Variants in C8orf34 observed in about 807,000 individuals in gnomAD.
C8orf34 encodes uncharacterized protein C8orf34.
In C8orf34, 65 loss-of-function variants were observed where a neutral mutation model predicts 68.3. That is an observed-to-expected ratio of 0.95 (90% CI 0.78 to 1.17). The LOEUF is 1.17. C8orf34 is among the 50% of genes most tolerant of loss of function. The pLI, the probability that C8orf34 is intolerant of heterozygous loss-of-function variation, is 0.00. For missense variants in C8orf34, 664 were observed against 655.4 expected, an observed-to-expected ratio of 1.01 and a Z score of -0.14; for synonymous variants, 244 against 241.2, an observed-to-expected ratio of 1.01 and a Z score of -0.11.
intron 8 of C8orf34, among the ~76,000 whole-genome samples, chr8:68,641,693 G>A (rs1010170029): frequency 6.6e-6 from 1 of 152,170 alleles, no homozygotes; most frequent in Non-Finnish European, 1.5e-5. Flanking sequence ...ATTTGTAGAA[G>A]ACTGGGATAT....
At chr8:68,477,642 C>A (rs1269518471) in intron 4 of C8orf34, among the ~76,000 whole-genome samples, 2 of 152,262 alleles carry the variant, frequency 1.3e-5, no homozygotes, top group Non-Finnish European at 2.9e-5. Context: ...GGAGCCAACC[C>A]TGCATTTCCC....
chr8:68,785,405 C>T (rs1823816679), intron 11 of C8orf34, among the ~76,000 whole-genome samples: 1 of 115,992 alleles, frequency 8.6e-6, no homozygotes, highest in South Asian at 2.4e-4. Context: ...TCCCCTCATC[C>T]ATTTACTTTA....
At chr8:68,479,161 A>G (rs904030330) in intron 4 of C8orf34, among the ~76,000 whole-genome samples, 3 of 152,192 alleles carry the variant, frequency 2.0e-5, no homozygotes, top group African/African-American at 4.8e-5. Context: ...AGAATAATTA[A>G]AGAATAATTT....
At chr8:68,488,347 A>G (rs1195060342) in intron 5 of C8orf34, among the ~76,000 whole-genome samples, 4 of 152,070 alleles carry the variant, frequency 2.6e-5, no homozygotes, top group Non-Finnish European at 4.4e-5. Flanking sequence ...TATTATGTAA[A>G]TTATTTTATT....
At chr8:68,486,958 G>A (rs1813105547) in intron 4 of C8orf34, among the ~76,000 whole-genome samples, 1 of 152,168 alleles carries the variant, frequency 6.6e-6, no homozygotes, top group Non-Finnish European at 1.5e-5. Flanking sequence ...CCCTGAATGT[G>A]AGAGCTGGCC....
At position 68,746,981 on chromosome 8, in the gene C8orf34, C is replaced by T. The variant is rs1259142756; in HGVS notation, c.1404+25544C>T. Among the ~76,000 whole-genome samples the T allele has an allele frequency of 5.6e-3, 839 of 149,662 alleles. 4 individuals carry two copies. Among genetic ancestry groups the T allele is most frequent in the African/African-American group, 0.02 (805 of 41,088 alleles). ...CTTGATGAACATTGATGCAAAAATC[C>T]TCAATAAAATACTGGCAAACCGAAT... On this transcript the variant is annotated intron_variant, in intron 10 of 13. Transcript: ENST00000518698.
intron 8 of C8orf34, among the ~76,000 whole-genome samples, chr8:68,659,823 A>G (rs1819618628): frequency 2.0e-5 from 3 of 152,134 alleles, no homozygotes; most frequent in Non-Finnish European, 4.4e-5. Context: ...CAATGTTACA[A>G]TCATCAAAGA....
At chr8:68,707,827 A>T (rs1389916797) in intron 8 of C8orf34, among the ~76,000 whole-genome samples, 1 of 152,180 alleles carries the variant, frequency 6.6e-6, no homozygotes, top group African/African-American at 2.4e-5. Flanking sequence ...ACCTTTAAAT[A>T]TTTAATGCAC....
chr8:68,608,492 C>T (rs972835920), intron 7 of C8orf34, among the ~76,000 whole-genome samples: 1 of 151,388 alleles, frequency 6.6e-6, no homozygotes, highest in South Asian at 2.1e-4. Context: ...GTGGAGGGAA[C>T]AGTGTGAGCA....
At chr8:68,492,080 A>T (rs1813337087) in intron 5 of C8orf34, among the ~76,000 whole-genome samples, 1 of 152,192 alleles carries the variant, frequency 6.6e-6, no homozygotes, top group Non-Finnish European at 1.5e-5. Context: ...TCAATAAATC[A>T]CTTTCTCAGC....
intron 5 of C8orf34, among the ~76,000 whole-genome samples, chr8:68,518,583 G>T (rs1342021191): frequency 3.3e-5 from 5 of 152,070 alleles, no homozygotes; most frequent in Non-Finnish European, 7.4e-5. Flanking sequence ...TGAACATTCT[G>T]TTGTTGGCTT....
intron 7 of C8orf34, among the ~76,000 whole-genome samples, chr8:68,588,560 G>A (rs1234284015): frequency 2.6e-5 from 4 of 152,104 alleles, no homozygotes; most frequent in African/African-American, 4.8e-5. Context: ...AATGAAAGGA[G>A]AACAGGACAC....
intron 3 of C8orf34, among the ~76,000 whole-genome samples, chr8:68,457,298 A>G (rs1811595440): frequency 6.6e-6 from 1 of 152,212 alleles, no homozygotes; most frequent in Non-Finnish European, 1.5e-5. Context: ...ACAATAGCTG[A>G]AAAATCATGA....
intron 8 of C8orf34, among the ~76,000 whole-genome samples, chr8:68,672,293 A>T (rs1231384691): frequency 6.6e-6 from 1 of 152,212 alleles, no homozygotes; most frequent in Non-Finnish European, 1.5e-5. Context: ...GAACACCTTC[A>T]TGAGAACTAA....
At chr8:68,741,981 T>C (rs773649319) in intron 10 of C8orf34, among the ~76,000 whole-genome samples, 2 of 152,206 alleles carry the variant, frequency 1.3e-5, no homozygotes, top group Non-Finnish European at 2.9e-5. Flanking sequence ...TCCAACATTC[T>C]ATCTCCAAAG....
chr8:68,770,254 T>G (rs1280984402), intron 10 of C8orf34, among the ~76,000 whole-genome samples: 1 of 152,220 alleles, frequency 6.6e-6, no homozygotes, highest in African/African-American at 2.4e-5. Context: ...AAACTCAGCT[T>G]CAGAAGAAAA....
At chr8:68,709,212 C>G in intron 9 of C8orf34, 133 bp downstream of exon 9, 1 of 676,782 alleles carries the variant, frequency 1.5e-6, no homozygotes, top group Admixed American at 2.5e-5. Flanking sequence ...ATATCTACCG[C>G]TGGCACACTC....
chr8:68,687,621 A>C (rs1242895491), intron 8 of C8orf34, among the ~76,000 whole-genome samples: 1 of 152,134 alleles, frequency 6.6e-6, no homozygotes, highest in Non-Finnish European at 1.5e-5. Flanking sequence ...CTCAAGATGG[A>C]TAAAAGGCTT....
chr8:68,659,982 A>G lies in C8orf34; in HGVS notation c.1241+19471A>G, dbSNP rs113551200. On this transcript the variant is annotated intron_variant, in intron 8 of 13. Transcript: ENST00000518698. The stretch of plus-strand genomic sequence containing the variant: ...ACACAATTGACAAATAAATTTTTTT[A>G]TTCTTGTAGTTTACAGTAGCTTAAC... Among the ~76,000 whole-genome samples, 1,103 of 152,276 alleles carry G rather than the reference A, an allele frequency of 7.2e-3. 15 individuals are homozygous for G. Among genetic ancestry groups the G allele is most frequent in the African/African-American group, 0.025 (1,047 of 41,556 alleles).
Sources: gnomAD v4.1 joint callset for allele counts (sites outside exome capture counted in the v4.1 genomes callset) on GRCh38, gnomAD v4.1.1 for gene constraint, MANE v1.5 for transcripts, NCBI Gene and HGNC (gene_info 2026-07-23, HGNC 2026-07-21) for gene names.